The following CDC42BPA variants were observed in gnomAD, a reference collection of about 807,000 sequenced individuals.
CDC42BPA encodes CDC42 binding protein kinase alpha, also known as serine/threonine-protein kinase MRCK alpha.
Under a neutral mutation model 223.5 loss-of-function variants are expected in CDC42BPA, and 80 were observed. That is an observed-to-expected ratio of 0.36 (90% confidence interval 0.30 to 0.43). The LOEUF (loss-of-function observed/expected upper bound fraction) is 0.43, where lower values mean the gene tolerates loss of function less well. Among genes scored for constraint, CDC42BPA ranks in the 20% least tolerant of loss-of-function variants. The pLI, the probability that CDC42BPA is intolerant of heterozygous loss-of-function variation, is 1.00. For missense variants in CDC42BPA, 1,743 were observed against 2,099.9 expected (o/e 0.83, Z 3.32); for synonymous variants, 694 against 718.6 (o/e 0.97, Z 0.55).
At chr1:227,155,678 G>A (rs564480889) in intron 6 of CDC42BPA, among the ~76,000 whole-genome samples, 29 of 152,158 alleles carry the variant, frequency 1.9e-4, no homozygotes, top group Middle Eastern at 3.4e-3. Context: ...ACAATTACAC[G>A]GGAAATTAAG....
chr1:227,017,214 T>G (rs4653781), intron 32 of CDC42BPA, among the ~76,000 whole-genome samples, 164 bp from the exon 33 acceptor site: 7,700 of 152,308 alleles, frequency 0.051, 433 homozygotes, highest in East Asian at 0.25. Flanking sequence ...TAACAGAACC[T>G]ATGTAAACAG....
At position 227,101,030 on chromosome 1, in the gene CDC42BPA, C is replaced by T. The variant is rs764895294; in HGVS notation, c.2211G>A (p.Met737Ile). The T allele has an allele frequency of 6.5e-7, 1 of 1,542,670 alleles. No homozygotes were observed. Among genetic ancestry groups the T allele is most frequent in the Non-Finnish European group, 8.9e-7 (1 of 1,121,238 alleles). ...GQQLALNKEIMILKDKLEKTR... is the reference protein window; with the variant it reads ...GQQLALNKEIIILKDKLEKTR... ...TTTTTTCCAATTTGTCTTTTAAAAT[C>T]ATAATTTCTTTGTTGAGAGCAAGTT... Residue 737 changes from methionine (M) to isoleucine (I), a missense_variant, in exon 15 of 37, where the codon ATG becomes ATA. Around this residue, in one of 6 missense-constraint regions of CDC42BPA, gnomAD observed 464 missense variants for 488.0 expected, o/e 0.95. Transcript: ENST00000366766.
At chr1:227,149,673 G>C (rs1404283911) in intron 6 of CDC42BPA, among the ~76,000 whole-genome samples, 1 of 152,138 alleles carries the variant, frequency 6.6e-6, no homozygotes, top group Non-Finnish European at 1.5e-5. Flanking sequence ...GTAAACAGTG[G>C]ATTAGATACA....
intron 32 of CDC42BPA, among the ~76,000 whole-genome samples, chr1:227,017,456 TC>T (rs1666506306): frequency 7.0e-6 from 1 of 143,110 alleles, no homozygotes; most frequent in Non-Finnish European, 1.6e-5. Flanking sequence ...TGAACAGTAA[TC>T]AGGCATAAAT....
At chr1:227,095,284 T>C (rs1305693496) in intron 15 of CDC42BPA, among the ~76,000 whole-genome samples, 2 of 152,216 alleles carry the variant, frequency 1.3e-5, no homozygotes, top group Non-Finnish European at 2.9e-5. Flanking sequence ...TATTTGATTA[T>C]GTATATACTA....
chr1:227,007,943 G>A (rs573431253), intron 34 of CDC42BPA, among the ~76,000 whole-genome samples: 1 of 152,294 alleles, frequency 6.6e-6, no homozygotes, highest in South Asian at 2.1e-4. Flanking sequence ...GGGGAACACT[G>A]TTGGTAGGCA....
At chr1:227,029,932 C>T (rs6684433) in intron 29 of CDC42BPA, among the ~76,000 whole-genome samples, 29,997 of 151,600 alleles carry the variant, frequency 0.2, 3,061 homozygotes, top group Middle Eastern at 0.26. Flanking sequence ...GTTGGGAGTT[C>T]GAGACCAACC....
At chr1:227,091,011 A>G (rs568139386) in intron 16 of CDC42BPA, among the ~76,000 whole-genome samples, 1 of 152,246 alleles carries the variant, frequency 6.6e-6, no homozygotes, top group Non-Finnish European at 1.5e-5. Flanking sequence ...GCAAGCTAGA[A>G]ATCAGGCTGA....
chr1:227,165,790 T>C (rs767699182), intron 5 of CDC42BPA, among the ~76,000 whole-genome samples: 11 of 152,174 alleles, frequency 7.2e-5, no homozygotes, highest in Non-Finnish European at 1.6e-4. Flanking sequence ...TGGGGCTAAA[T>C]AACTTTTAAA....
rs565486792 is a variant in CDC42BPA at position 227,160,195 on chromosome 1, G to A, written c.693+348C>T. ...AAAGTAAAAGTGCGGGCAAAGCTGC[G>A]TTTTCTTTTTCTATGTGAGACTTAG... On this transcript the variant is annotated intron_variant, in intron 6 of 36. Transcript: ENST00000366766. Among the ~76,000 whole-genome samples the A allele has an allele frequency of 1.7e-3, 256 of 152,270 alleles. 3 individuals are homozygous for A. Among genetic ancestry groups the A allele is most frequent in the African/African-American group, 5.3e-3 (222 of 41,558 alleles).
At chr1:227,219,476 G>C (rs763750827) in intron 2 of CDC42BPA, 2 of 152,176 alleles carry the variant, frequency 1.3e-5, no homozygotes, top group Non-Finnish European at 2.9e-5. Flanking sequence ...ACACAATTGA[G>C]TTGTAGAGAG....
intron 2 of CDC42BPA, among the ~76,000 whole-genome samples, chr1:227,253,543 C>A (rs1682485275): frequency 6.6e-6 from 1 of 151,972 alleles, no homozygotes. Context: ...TTGTAGTGAG[C>A]CAAGATCATG....
intron 16 of CDC42BPA, among the ~76,000 whole-genome samples, chr1:227,089,071 CA>C (rs945035874): frequency 7.2e-5 from 11 of 152,168 alleles, no homozygotes; most frequent in Admixed American, 2.0e-4. Flanking sequence ...ATAAGATTTA[CA>C]AAAATGTCAT....
chr1:227,107,481 C>T (rs1394778784), intron 14 of CDC42BPA, among the ~76,000 whole-genome samples: 1 of 152,154 alleles, frequency 6.6e-6, no homozygotes, highest in African/African-American at 2.4e-5. Context: ...AATGCAGTGG[C>T]CCAATCATGG....
At chr1:227,286,548 C>T (rs1688835464) in intron 1 of CDC42BPA, among the ~76,000 whole-genome samples, 1 of 152,186 alleles carries the variant, frequency 6.6e-6, no homozygotes, top group Non-Finnish European at 1.5e-5. Context: ...GTCTTCCTAT[C>T]ATCTTCTTAG....
chr1:227,192,782 T>G (rs555074396), intron 5 of CDC42BPA, among the ~76,000 whole-genome samples: 3 of 151,166 alleles, frequency 2.0e-5, no homozygotes, highest in Non-Finnish European at 4.4e-5. Flanking sequence ...AATTACTCCA[T>G]GAACATCAAA....
chr1:227,014,741 A>C (rs114866771), intron 34 of CDC42BPA, among the ~76,000 whole-genome samples: 1 of 152,192 alleles, frequency 6.6e-6, no homozygotes, highest in African/African-American at 2.4e-5. Flanking sequence ...TCATCTCCCA[A>C]ATGGCCATGA....
chr1:227,143,935 G>A (rs1353541048), intron 8 of CDC42BPA, among the ~76,000 whole-genome samples: 1 of 152,128 alleles, frequency 6.6e-6, no homozygotes, highest in African/African-American at 2.4e-5. Context: ...TTCATAATTT[G>A]TTAACAGTAA....
At chr1:227,241,452 G>A (rs1572577991) in intron 2 of CDC42BPA, among the ~76,000 whole-genome samples, 2 of 151,990 alleles carry the variant, frequency 1.3e-5, no homozygotes, top group Admixed American at 1.3e-4. Flanking sequence ...TTCATCAATA[G>A]GAAAATGAAT....
Sources: gnomAD v4.1 joint callset for allele counts (sites outside exome capture counted in the v4.1 genomes callset) on GRCh38, gnomAD v4.1.1 for gene constraint, gnomAD v4.1.1 regional missense constraint, MANE v1.5 for transcripts, NCBI Gene and HGNC (gene_info 2026-07-23, HGNC 2026-07-21) for gene names.